SMG5: variants seen among roughly 807,000 people sequenced by gnomAD.
SMG5 encodes nonsense-mediated mRNA decay factor SMG5.
Under a neutral mutation model 122.9 loss-of-function variants are expected in SMG5, and 53 were observed. That is an observed-to-expected ratio of 0.43 (90% CI 0.35 to 0.54). The LOEUF (loss-of-function observed/expected upper bound fraction) is 0.54, where lower values mean the gene tolerates loss of function less well. Among genes scored for constraint, SMG5 ranks in the 20% least tolerant of loss-of-function variants. The pLI is 0.01. For synonymous variants in SMG5, 477 were observed against 490.2 expected (o/e 0.97, Z 0.35); for missense variants, 1,153 against 1,285.6 (o/e 0.90, Z 1.58).
At chr1:156,261,209 G>A in intron 14 of SMG5, 124 bp downstream of exon 14, 1 of 879,570 alleles carries the variant, frequency 1.1e-6, no homozygotes, top group Non-Finnish European at 1.9e-6. Flanking sequence ...TGTGTGCTAG[G>A]GAGGCTGGCA....
chr1:156,291,136 A>G, the SMG5 span: 1 of 504,460 alleles, frequency 2.0e-6, no homozygotes, highest in Non-Finnish European at 3.5e-6. Context: ...TCGAAAAGTA[A>G]ATAAAAGAGG....
At chr1:156,252,670 G>T in intron 18 of SMG5, 166 bp from the exon 19 acceptor site, 1 of 761,068 alleles carries the variant, frequency 1.3e-6, no homozygotes, top group Non-Finnish European at 2.1e-6. Context: ...CCTTCTGCCA[G>T]CAATATACTT....
upstream of SMG5, chr1:156,285,467 GGCCC>G (rs753969980): frequency 1.9e-6 from 3 of 1,614,096 alleles, no homozygotes; most frequent in East Asian, 6.7e-5. Flanking sequence ...CTGGGGGACT[GGCCC>G]TCAGCCCAGT....
chr1:156,276,737 CA>C (rs1306595980), intron 4 of SMG5, among the ~76,000 whole-genome samples: 10 of 152,324 alleles, frequency 6.6e-5, no homozygotes, highest in South Asian at 6.2e-4. Context: ...AAACTTTCAT[CA>C]AACATTGGGA....
rs184097644 is a variant in SMG5 at position 156,275,747 on chromosome 1, C to T, written c.455-1061G>A. On this transcript the variant is annotated intron_variant, in intron 4 of 21. Coordinates refer to ENST00000361813, the MANE Select transcript of SMG5 (RefSeq NM_015327.3). Reference sequence around the variant, plus strand: ...GTGATCTTTTTTTTAAAGCTGTGGACCCCTCTAGCTATCTGGTAACCTATG... The same window carrying T: ...GTGATCTTTTTTTTAAAGCTGTGGATCCCTCTAGCTATCTGGTAACCTATG... Among the ~76,000 whole-genome samples the T allele has an allele frequency of 2.7e-3, 412 of 151,914 alleles. 1 individual carries two copies. Among genetic ancestry groups the T allele is most frequent in the African/African-American group, 9.5e-3 (393 of 41,432 alleles).
chr1:156,261,546 G>C (rs2103219894), intron 13 of SMG5, 138 bp from the exon 14 acceptor site: 3 of 703,728 alleles, frequency 4.3e-6, no homozygotes, highest in Non-Finnish European at 7.2e-6. Flanking sequence ...ATTAACAAAA[G>C]AAGCCTGGAC....
the SMG5 span, chr1:156,291,484 C>A: frequency 6.2e-7 from 1 of 1,613,458 alleles, no homozygotes; most frequent in Non-Finnish European, 8.5e-7. Flanking sequence ...TGTGGAACCT[C>A]TACTACATGT....
chr1:156,285,636 T>C (rs145838320), upstream of SMG5: 4 of 1,613,940 alleles, frequency 2.5e-6, no homozygotes, highest in African/African-American at 5.3e-5. Flanking sequence ...CTACAGTGCA[T>C]TGAGCGGCAG....
chr1:156,271,743 C>T (rs1662446117), intron 7 of SMG5, among the ~76,000 whole-genome samples: 1 of 151,980 alleles, frequency 6.6e-6, no homozygotes, highest in Admixed American at 6.6e-5. Flanking sequence ...GAGGCGCTCA[C>T]CACCATACCC....
At chr1:156,251,916 C>T (rs550099044) in intron 19 of SMG5, among the ~76,000 whole-genome samples, 1 of 152,316 alleles carries the variant, frequency 6.6e-6, no homozygotes, top group South Asian at 2.1e-4. Flanking sequence ...AGGCCTGTAC[C>T]GGCTGAGCAT....
chr1:156,274,128 G>A lies in SMG5; in HGVS notation c.544+469C>T, dbSNP rs547904687. Reference sequence around the variant, plus strand: ...AACAGCCACACACCAGCAGCCTAATGAGAAACCACTGTCTATCAGGACGAG... The same window carrying A: ...AACAGCCACACACCAGCAGCCTAATAAGAAACCACTGTCTATCAGGACGAG... On this transcript the variant is annotated intron_variant, in intron 5 of 21. Transcript: ENST00000361813. Among the ~76,000 whole-genome samples, 8 of 152,268 alleles carry A rather than the reference G, an allele frequency of 5.3e-5. No homozygotes were observed. In the East Asian group the frequency reaches 1.3e-3, roughly 26 times the overall value.
chr1:156,276,693 G>A (rs1440511871), intron 4 of SMG5, among the ~76,000 whole-genome samples: 2 of 152,212 alleles, frequency 1.3e-5, no homozygotes, highest in Non-Finnish European at 2.9e-5. Context: ...TTGAAAGACT[G>A]TCCACAATTT....
rs767602866 is a variant in SMG5 at position 156,263,545 on chromosome 1, C to T, written c.1881G>A (p.Glu627=). The T allele has an allele frequency of 6.2e-7, 1 of 1,614,014 alleles. No individual in the cohort carries two copies. Among genetic ancestry groups the T allele is most frequent in the Admixed American group, 1.7e-5 (1 of 59,994 alleles). The stretch of plus-strand genomic sequence containing the variant: ...AGGAGCGTCCACTGGACTCACTCCC[C>T]TCCGACTCAGAGCCCTCCTCAGAGG... ...EPASEEGSES[E]GSESSGRSCR... The change falls in exon 13 of 22, where the codon GAG becomes GAA. Residue 627 remains glutamate, a synonymous_variant. Transcript: ENST00000361813.
chr1:156,268,118 C>T lies in SMG5; in HGVS notation c.905G>A (p.Ser302Asn), dbSNP rs781450248. The stretch of plus-strand genomic sequence containing the variant: ...GTTCATGCTCTCTTCCACTCACCTG[C>T]TTTTGGGCTGTAGGAGGCTTTGCAG... ...MYLQSLLQPK[S>N]SSVDSELTSL... The change falls in exon 9 of 22, where the codon AGC becomes AAC. Residue 302 changes from serine (S) to asparagine (N), a missense_variant. This residue lies in a region of SMG5 where 631 missense variants were observed against 650.6 expected (regional missense o/e 0.97). Coordinates refer to ENST00000361813, the MANE Select transcript of SMG5 (RefSeq NM_015327.3). 4 of 1,614,040 alleles carry T rather than the reference C, an allele frequency of 2.5e-6. No individual in the cohort carries two copies. In the African/African-American group the frequency reaches 5.3e-5, roughly 22 times the overall value.
chr1:156,271,306 G>T (rs1006877709), intron 7 of SMG5, among the ~76,000 whole-genome samples: 4 of 152,176 alleles, frequency 2.6e-5, no homozygotes, highest in Non-Finnish European at 5.9e-5. Context: ...CTTAAGCTAT[G>T]AAGACCACCC....
chr1:156,250,566 T>G lies in SMG5; in HGVS notation c.*21A>C. 3 of 1,606,520 alleles carry G rather than the reference T, an allele frequency of 1.9e-6. No individual in the cohort carries two copies. The highest frequency in any genetic ancestry group is 2.6e-6 in the Non-Finnish European group (3 of 1,173,166). Reference sequence around the variant, plus strand: ...AGGAGAGATCTGGAGTCAGCCCCACTGCAGGGCCTGGGGGTCAGTATCAAC... The same window carrying G: ...AGGAGAGATCTGGAGTCAGCCCCACGGCAGGGCCTGGGGGTCAGTATCAAC... On this transcript the variant is annotated 3_prime_UTR_variant, in exon 22 of 22. Transcript: ENST00000361813.
At chr1:156,264,862 C>A (rs955544768) in intron 12 of SMG5, among the ~76,000 whole-genome samples, 2 of 152,068 alleles carry the variant, frequency 1.3e-5, no homozygotes, top group African/African-American at 4.8e-5. Flanking sequence ...CCCGTCTCTA[C>A]TAAAAATACA....
At chr1:156,257,231 G>A (rs1446571735) in intron 16 of SMG5, among the ~76,000 whole-genome samples, 3 of 152,072 alleles carry the variant, frequency 2.0e-5, no homozygotes, top group Non-Finnish European at 2.9e-5. Flanking sequence ...CCAGCCTACT[G>A]TTTCTTATCT....
At chr1:156,276,544 G>A (rs970166322) in intron 4 of SMG5, among the ~76,000 whole-genome samples, 1 of 152,234 alleles carries the variant, frequency 6.6e-6, no homozygotes, top group Non-Finnish European at 1.5e-5. Context: ...TGGTGATGAA[G>A]GGGACAGAGA....
Sources: allele counts gnomAD v4.1 joint callset (sites outside exome capture counted in the v4.1 genomes callset), GRCh38; gene constraint gnomAD v4.1.1; regional missense constraint gnomAD v4.1.1; transcripts MANE v1.5; gene names NCBI Gene and HGNC (gene_info 2026-07-23, HGNC 2026-07-21).